FAM83D: variants seen among roughly 807,000 people sequenced by gnomAD.
FAM83D encodes the protein protein FAM83D.
In FAM83D, 26 loss-of-function variants were observed where a neutral mutation model predicts 25.4. That is an observed-to-expected ratio of 1.02 (90% CI 0.75 to 1.42). FAM83D has a LOEUF of 1.42. FAM83D is among the 40% of genes most tolerant of loss of function. The pLI is 0.00. For synonymous variants in FAM83D, 310 were observed against 318.5 expected (o/e 0.97, Z 0.28); for missense variants, 740 against 758.1 (o/e 0.98, Z 0.28).
Position 38,942,020 on chromosome 20 carries a change from T to C in FAM83D, c.545T>C (p.Ile182Thr), listed in dbSNP as rs1380543789. 1 of 1,614,156 alleles carries C rather than the reference T, an allele frequency of 6.2e-7. No homozygotes were observed. Among genetic ancestry groups the C allele is most frequent in the Non-Finnish European group, 8.5e-7 (1 of 1,180,000 alleles). Residue 182 changes from isoleucine to threonine, a missense_variant, in exon 2 of 4, where the codon ATA (isoleucine) becomes ACA (threonine). Ile to Thr is a moderately conservative substitution (Grantham distance 89). This residue lies in a region of FAM83D where 333 missense variants were observed against 298.6 expected (regional missense o/e 1.12). Transcript: ENST00000619850. ...DIDIFRDLQE[I>T]CRKQGVAVYI... The stretch of plus-strand genomic sequence containing the variant: ...GACATCTTCAGAGACCTGCAAGAAA[T>C]ATGCAGGAAACAGGGAGTTGCTGTG...
At chr20:38,932,404 A>T (rs770280141) in intron 1 of FAM83D, among the ~76,000 whole-genome samples, 8 of 152,276 alleles carry the variant, frequency 5.3e-5, no homozygotes, top group Non-Finnish European at 1.0e-4. Context: ...AAATAAAAAC[A>T]CAATTACGTA....
rs539427423 is a variant in FAM83D at position 38,930,321 on chromosome 20, A to C, written c.483+3396A>C. Among the ~76,000 whole-genome samples, 6 of 152,196 alleles carry C rather than the reference A, an allele frequency of 3.9e-5. No individual in the cohort carries two copies. In the South Asian group the frequency reaches 1.2e-3, roughly 32 times the overall value. ...CCCTTGACCTGAATTACCTCATTTA[A>C]CCCTCCCAACACTGGGAGGAGGCTA... On this transcript the variant is annotated intron_variant, in intron 1 of 3. Transcript: ENST00000619850.
At chr20:38,936,315 A>G (rs1424249053) in intron 1 of FAM83D, among the ~76,000 whole-genome samples, 1 of 152,120 alleles carries the variant, frequency 6.6e-6, no homozygotes, top group Admixed American at 6.5e-5. Context: ...TTGAGTGTGT[A>G]TGAATCACTG....
intron 1 of FAM83D, among the ~76,000 whole-genome samples, chr20:38,940,224 G>T (rs538286996): frequency 2.0e-5 from 3 of 152,138 alleles, no homozygotes; most frequent in Non-Finnish European, 4.4e-5. Context: ...ATTAAAAGGG[G>T]TGGGGTGGGA....
intron 3 of FAM83D, among the ~76,000 whole-genome samples, chr20:38,949,405 TGG>T (rs2085743194): frequency 6.6e-6 from 1 of 152,114 alleles, no homozygotes; most frequent in Non-Finnish European, 1.5e-5. Context: ...GGTGATCCGC[TGG>T]CCTCGGCCTA....
In FAM83D at chr20:38,952,483, C is replaced by T; in HGVS notation, c.1721C>T (p.Ala574Val). The T allele has an allele frequency of 6.2e-7, 1 of 1,614,082 alleles. No homozygotes were observed. The highest frequency in any genetic ancestry group is 1.1e-5 in the South Asian group (1 of 91,086). The change falls in exon 4 of 4, where the codon GCT becomes GTT. Residue 574 changes from alanine to valine, a missense_variant. Transcript: ENST00000619850. Reference sequence around the variant, plus strand: ...AATTTCAGCAGAGTTAATTTGCTTGCTGTTAGAGATGTAGCACTTTATCCT... The same window carrying T: ...AATTTCAGCAGAGTTAATTTGCTTGTTGTTAGAGATGTAGCACTTTATCCT... ...SGNFSRVNLL[A>V]VRDVALYPSY...
At chr20:38,943,368 C>A (rs1349200577) in intron 2 of FAM83D, among the ~76,000 whole-genome samples, 1 of 152,154 alleles carries the variant, frequency 6.6e-6, no homozygotes, top group African/African-American at 2.4e-5. Flanking sequence ...ATCCTCAAAG[C>A]AGCCCCTATC....
At position 38,951,653 on chromosome 20, in the gene FAM83D, C is replaced by T. The variant is rs1264728054; in HGVS notation, c.891C>T (p.Ile297=). The change falls in exon 4 of 4, where the codon ATC becomes ATT. Residue 297 remains isoleucine, a synonymous_variant. Transcript: ENST00000619850. ...TCCTGTATGCCCAGTCCAAGCCCAT[C>T]AGCCCCAAACTCCTGTCTCACTTCC... The part of the protein sequence containing the change: ...FRILYAQSKP[I]SPKLLSHFQS... 3 of 1,614,222 alleles carry T rather than the reference C, an allele frequency of 1.9e-6. No homozygotes were observed. The highest frequency in any genetic ancestry group is 2.5e-6 in the Non-Finnish European group (3 of 1,180,040).
chr20:38,944,485 A>C (rs1460787736), intron 2 of FAM83D, among the ~76,000 whole-genome samples: 1 of 152,252 alleles, frequency 6.6e-6, no homozygotes, highest in African/African-American at 2.4e-5. Context: ...AAGGCTATGC[A>C]TTAGCAGAGA....
chr20:38,932,407 A>G (rs995756325), intron 1 of FAM83D, among the ~76,000 whole-genome samples: 2 of 152,172 alleles, frequency 1.3e-5, no homozygotes, highest in Non-Finnish European at 2.9e-5. Flanking sequence ...TAAAAACACA[A>G]TTACGTATAG....
chr20:38,938,968 C>G (rs558081411), intron 1 of FAM83D, among the ~76,000 whole-genome samples: 1 of 152,334 alleles, frequency 6.6e-6, no homozygotes, highest in Non-Finnish European at 1.5e-5. Context: ...TCACTTCGAA[C>G]TCATTACTCT....
At position 38,926,772 on chromosome 20, in the gene FAM83D, A is replaced by G. The variant is rs1441469747; in HGVS notation, c.330A>G (p.Pro110=). ...TCCCCGAGCAGTCGGACCTGGAGCC[A>G]CCGCTGTTGGAGCTTGGCTGGCCCG... The part of the protein sequence containing the change: ...TYFPEQSDLE[P]PLLELGWPAF... Residue 110 remains proline (P), a synonymous_variant, in exon 1 of 4, where the codon CCA becomes CCG. Transcript: ENST00000619850. 1 of 1,547,616 alleles carries G rather than the reference A, an allele frequency of 6.5e-7. No individual in the cohort carries two copies. Among genetic ancestry groups the G allele is most frequent in the South Asian group, 1.2e-5 (1 of 85,180 alleles).
chr20:38,942,251 C>T (rs745664805), intron 2 of FAM83D, 125 bp downstream of exon 2: 6 of 1,009,410 alleles, frequency 5.9e-6, no homozygotes, highest in Non-Finnish European at 6.1e-6. Flanking sequence ...TGAGCAAAGT[C>T]ATTTGCCTGG....
At chr20:38,942,403 T>G (rs1429558665) in intron 2 of FAM83D, among the ~76,000 whole-genome samples, 1 of 152,188 alleles carries the variant, frequency 6.6e-6, no homozygotes, top group Non-Finnish European at 1.5e-5. Context: ...GTGGAAACAA[T>G]CCAATGCCAA....
intron 3 of FAM83D, 64 bp downstream of exon 3, chr20:38,948,064 A>T (rs1208764370): frequency 6.3e-7 from 1 of 1,587,054 alleles, no homozygotes; most frequent in African/African-American, 1.4e-5. Flanking sequence ...TGTCATGTAA[A>T]GGTAAAAGCC....
intron 2 of FAM83D, among the ~76,000 whole-genome samples, chr20:38,946,374 G>A (rs2085728736): frequency 6.6e-6 from 1 of 152,114 alleles, no homozygotes; most frequent in Non-Finnish European, 1.5e-5. Flanking sequence ...ATTAACAGAA[G>A]TTGCAAAGAT....
rs995961286 is a variant in FAM83D, at chr20:38,949,411, C to T, written c.776+1411C>T. On this transcript the variant is annotated intron_variant, in intron 3 of 3. Coordinates refer to ENST00000619850, the MANE Select transcript of FAM83D (RefSeq NM_030919.3). Reference sequence around the variant, plus strand: ...CTGACCTCAGGTGATCCGCTGGCCTCGGCCTACCAAAGTGCTGGGGTTACA... The same window carrying T: ...CTGACCTCAGGTGATCCGCTGGCCTTGGCCTACCAAAGTGCTGGGGTTACA... Among the ~76,000 whole-genome samples, 12 of 152,096 alleles carry T rather than the reference C, an allele frequency of 7.9e-5. No individual in the cohort carries two copies. In the East Asian group the frequency reaches 1.5e-3, roughly 20 times the overall value.
chr20:38,949,486 A>G (rs1448422245), intron 3 of FAM83D, among the ~76,000 whole-genome samples: 1 of 152,132 alleles, frequency 6.6e-6, no homozygotes, highest in Admixed American at 6.5e-5. Context: ...TTTCAAAAGA[A>G]TCTTCCTTCT....
chr20:38,939,362 T>C lies in FAM83D; in HGVS notation c.484-2597T>C, dbSNP rs1568697214. 2.0e-5 allele frequency among the ~76,000 whole-genome samples: 3 copies of C among 151,858 alleles called. No individual in the cohort carries two copies. In the East Asian group the frequency reaches 5.8e-4, roughly 29 times the overall value. Reference sequence around the variant, plus strand: ...TTTTGTTTTGTTTTGTTTTGTTTTGTTTTTTGAGATGGAGTCTTGCTCTGT... The same window carrying C: ...TTTTGTTTTGTTTTGTTTTGTTTTGCTTTTTGAGATGGAGTCTTGCTCTGT... On this transcript the variant is annotated intron_variant, in intron 1 of 3. Coordinates refer to ENST00000619850, the MANE Select transcript of FAM83D (RefSeq NM_030919.3).
Sources: gnomAD v4.1 joint callset for allele counts (sites outside exome capture counted in the v4.1 genomes callset) on GRCh38, gnomAD v4.1.1 for gene constraint, gnomAD v4.1.1 regional missense constraint, MANE v1.5 for transcripts, NCBI Gene and HGNC (gene_info 2026-07-23, HGNC 2026-07-21) for gene names.